PKD1L1: variants seen among roughly 807,000 people sequenced by gnomAD.
The protein encoded by PKD1L1 is polycystin-1-like protein 1.
In PKD1L1, 236 loss-of-function variants were observed where a neutral mutation model predicts 323.4. That is an observed-to-expected ratio of 0.73 (90% CI 0.66 to 0.81). The LOEUF (loss-of-function observed/expected upper bound fraction) is 0.81. PKD1L1 is among the 40% of genes least tolerant of loss of function. The pLI is 0.00. For missense variants in PKD1L1, 3,320 were observed against 3,508.0 expected (o/e 0.95, Z 1.35); for synonymous variants, 1,344 against 1,335.0 (o/e 1.01, Z -0.15).
the PKD1L1 span, among the ~76,000 whole-genome samples, chr7:47,953,505 G>A: frequency 6.0e-4 from 92 of 152,320 alleles, 1 homozygote; most frequent in Non-Finnish European, 1.1e-3. Context: ...CAAGTCCCAT[G>A]GTCCCTCTCA....
chr7:47,775,999 C>T lies in PKD1L1; in HGVS notation c.8527-833G>A, dbSNP rs138120022. 1.8e-3 allele frequency among the ~76,000 whole-genome samples: 275 copies of T among 152,188 alleles called. 5 individuals are homozygous for T. The highest frequency in any genetic ancestry group is 6.5e-3 in the African/African-American group (269 of 41,522). On this transcript the variant is annotated intron_variant, in intron 56 of 56. Transcript: ENST00000289672. ...ATATCAGGAATGAGAGAGGTGACAACACTACACTTTTTACAGATAAAGGAT... is the reference window on the plus strand; with the variant it reads ...ATATCAGGAATGAGAGAGGTGACAATACTACACTTTTTACAGATAAAGGAT...
At position 47,790,400 on chromosome 7, in the gene PKD1L1, G is replaced by A. The variant is rs922452993; in HGVS notation, c.8526+2227C>T. Among the ~76,000 whole-genome samples, 10 of 151,126 alleles carry A rather than the reference G, an allele frequency of 6.6e-5. No individual in the cohort carries two copies. In the East Asian group the frequency reaches 9.8e-4, roughly 15 times the overall value. ...GCTGGAGGTGCAGTGGCACAATCTC[G>A]GCTCACTGCAAGCTCTACCTCCTGG... On this transcript the variant is annotated intron_variant, in intron 56 of 56. Coordinates refer to ENST00000289672, the MANE Select transcript of PKD1L1 (RefSeq NM_138295.5).
At chr7:47,866,360 G>T in intron 25 of PKD1L1, 59 bp downstream of exon 25, 2 of 1,550,158 alleles carry the variant, frequency 1.3e-6, no homozygotes, top group Non-Finnish European at 8.7e-7. Context: ...AGCCAGTCAT[G>T]AGCCCTGCCA....
At chr7:47,786,376 G>C (rs1237117704) in intron 56 of PKD1L1, among the ~76,000 whole-genome samples, 1 of 152,148 alleles carries the variant, frequency 6.6e-6, no homozygotes, top group East Asian at 1.9e-4. Flanking sequence ...ACACTGACCA[G>C]CAGAGTTCAG....
At chr7:47,856,235 C>T (rs1045066830) in intron 28 of PKD1L1, among the ~76,000 whole-genome samples, 7 of 152,078 alleles carry the variant, frequency 4.6e-5, no homozygotes, top group African/African-American at 1.7e-4. Flanking sequence ...ACGGGTGTTT[C>T]ACCATGTTGG....
At chr7:47,936,401 C>T (rs887509991) in intron 4 of PKD1L1, among the ~76,000 whole-genome samples, 30 of 152,154 alleles carry the variant, frequency 2.0e-4, no homozygotes, top group African/African-American at 7.2e-4. Flanking sequence ...AGGGACCTCG[C>T]ATAAGTAGAA....
chr7:47,881,858 A>G (rs1376891550), intron 20 of PKD1L1, 51 bp downstream of exon 20: 5 of 1,501,150 alleles, frequency 3.3e-6, no homozygotes, highest in East Asian at 2.3e-5. Flanking sequence ...GCTGATATCT[A>G]AAAGCTTCAG....
intron 28 of PKD1L1, 128 bp downstream of exon 28, chr7:47,857,477 G>T: frequency 1.4e-6 from 1 of 719,032 alleles, no homozygotes. Context: ...TCTTGGCACT[G>T]AGAGGGTGCA....
intron 2 of PKD1L1, among the ~76,000 whole-genome samples, chr7:47,940,858 C>T (rs1449619206): frequency 6.6e-6 from 1 of 152,176 alleles, no homozygotes; most frequent in Non-Finnish European, 1.5e-5. Context: ...AGCCAGTGTC[C>T]ACCCGGCTGG....
At position 47,931,244 on chromosome 7, in the gene PKD1L1, G is replaced by A. The variant is rs1209882317; in HGVS notation, c.597C>T (p.Cys199=). 1 of 1,614,256 alleles carries A rather than the reference G, an allele frequency of 6.2e-7. No individual in the cohort carries two copies. The highest frequency in any genetic ancestry group is 8.5e-7 in the Non-Finnish European group (1 of 1,180,038). ...EASCCVLRLL[C]CAEDVATGLL... Reference sequence around the variant, plus strand: ...GCCCCGTGGCCACATCCTCCGCACAGCACAGCAGTCTCAGGACACAGCAGG... The same window carrying A: ...GCCCCGTGGCCACATCCTCCGCACAACACAGCAGTCTCAGGACACAGCAGG... The change falls in exon 6 of 57, where the codon TGC becomes TGT. Residue 199 remains cysteine, a synonymous_variant. Coordinates refer to ENST00000289672, the MANE Select transcript of PKD1L1 (RefSeq NM_138295.5).
rs760855969 is a variant in PKD1L1, at chr7:47,888,166, T to C, written c.2676-16A>G. On this transcript the variant is annotated splice_polypyrimidine_tract_variant and intron_variant, in intron 16 of 56. Transcript: ENST00000289672. ...GTGGACGAATCTGAAATATATAAAT[T>C]GGCTTGAGATCTTAGGAAAATAATG... 4 of 1,602,824 alleles carry C rather than the reference T, an allele frequency of 2.5e-6. No individual in the cohort carries two copies. In the South Asian group the frequency reaches 4.4e-5, roughly 18 times the overall value.
intron 17 of PKD1L1, 80 bp downstream of exon 17, chr7:47,887,910 T>A: frequency 7.2e-7 from 1 of 1,396,168 alleles, no homozygotes; most frequent in Non-Finnish European, 9.8e-7. Flanking sequence ...ACCAAATGTA[T>A]TTTGCAACAT....
intron 9 of PKD1L1, among the ~76,000 whole-genome samples, chr7:47,906,758 G>A (rs1787214778): frequency 6.6e-6 from 1 of 152,064 alleles, no homozygotes. Context: ...TGGGTATTCT[G>A]TCCTTCATCA....
chr7:47,818,381 T>C (rs1393682266), intron 46 of PKD1L1, among the ~76,000 whole-genome samples: 8 of 152,202 alleles, frequency 5.3e-5, no homozygotes, highest in Admixed American at 5.2e-4. Context: ...CGACAAACAT[T>C]GTACATTTAT....
At chr7:47,826,096 C>T (rs762710380) in intron 45 of PKD1L1, among the ~76,000 whole-genome samples, 1 of 152,092 alleles carries the variant, frequency 6.6e-6, no homozygotes, top group Non-Finnish European at 1.5e-5. Context: ...GCAAACTCCT[C>T]CAAGATGCGC....
intron 8 of PKD1L1, among the ~76,000 whole-genome samples, chr7:47,914,367 CA>C (rs1787384983): frequency 6.6e-6 from 1 of 152,126 alleles, no homozygotes; most frequent in African/African-American, 2.4e-5. Flanking sequence ...ATTCACACAG[CA>C]AAGCCAAGTC....
rs573579648 is a variant in PKD1L1 at position 47,839,296 on chromosome 7, A to G, written c.5769+150T>C. The G allele has an allele frequency of 6.1e-5, 38 of 626,524 alleles. No homozygotes were observed. The highest frequency in any genetic ancestry group is 6.0e-4 in the African/African-American group (33 of 54,580). The allele number at this position is 626,524 out of a possible 1,614,324, so 38.8% of individuals were successfully genotyped here. ...GGCCACTCAATGAATGTATCATTTA[A>G]TATTTTGATATCGTGGTAATTAACT... On this transcript the variant is annotated intron_variant, in intron 36 of 56. Transcript: ENST00000289672. This position sits in a 1 kb window ranked among gnomAD's most constrained non-coding sequence, Gnocchi z 4.3.
intron 23 of PKD1L1, 58 bp from the exon 24 acceptor site, chr7:47,874,068 TC>T: frequency 9.4e-7 from 1 of 1,060,296 alleles, no homozygotes; most frequent in Non-Finnish European, 1.4e-6. Flanking sequence ...CAGAGATGCT[TC>T]TTCACACACA....
intron 1 of PKD1L1, among the ~76,000 whole-genome samples, chr7:47,945,831 A>G (rs780060618): frequency 3.3e-5 from 5 of 152,050 alleles, no homozygotes; most frequent in Admixed American, 6.6e-5. Context: ...CAACAGGATA[A>G]CTTCCAAGTG....
Sources: gnomAD v4.1 joint callset for allele counts (sites outside exome capture counted in the v4.1 genomes callset) on GRCh38, gnomAD v4.1.1 for gene constraint, Gnocchi (gnomAD v3.1) non-coding constraint, MANE v1.5 for transcripts, NCBI Gene and HGNC (gene_info 2026-07-23, HGNC 2026-07-21) for gene names.